Variants in ATP2B2 observed in about 807,000 individuals in gnomAD.
The protein encoded by ATP2B2 is plasma membrane calcium-transporting ATPase 2.
In ATP2B2, 15 loss-of-function variants were observed where a neutral mutation model predicts 120.0. The observed-to-expected ratio is 0.12, with a 90% confidence interval of 0.08 to 0.19. The LOEUF is 0.19. Ranked by LOEUF, ATP2B2 falls within the 10% of genes least tolerant of loss-of-function variation. ATP2B2 has a pLI of 1.00. For synonymous variants in ATP2B2, 694 were observed against 700.3 expected, an observed-to-expected ratio of 0.99 and a Z score of 0.14; for missense variants, 1,045 against 1,719.8, an observed-to-expected ratio of 0.61 and a Z score of 6.94.
chr3:10,573,811 T>C (rs766658472), intron 2 of ATP2B2, among the ~76,000 whole-genome samples: 3 of 152,208 alleles, frequency 2.0e-5, no homozygotes, highest in Admixed American at 6.5e-5. Context: ...GGAGACTCCC[T>C]GACTAAACTC....
intron 2 of ATP2B2, among the ~76,000 whole-genome samples, chr3:10,545,526 C>G (rs2067526411): frequency 7.4e-6 from 1 of 134,978 alleles, no homozygotes; most frequent in African/African-American, 3.0e-5. Flanking sequence ...AAGAATCCAT[C>G]TCAAAAAAAA....
At chr3:10,700,452 T>C (rs1300896866) in intron 1 of ATP2B2, among the ~76,000 whole-genome samples, 1 of 152,196 alleles carries the variant, frequency 6.6e-6, no homozygotes, top group African/African-American at 2.4e-5. Flanking sequence ...AAAGATGTTG[T>C]GGACTTGTCA....
chr3:10,576,838 G>A (rs1469936944), intron 2 of ATP2B2, among the ~76,000 whole-genome samples: 1 of 152,052 alleles, frequency 6.6e-6, no homozygotes, highest in Non-Finnish European at 1.5e-5. Context: ...GCCAAGGTGG[G>A]CGGATCACAA....
At chr3:10,504,205 T>G (rs1386045399) in intron 1 of ATP2B2, among the ~76,000 whole-genome samples, 3 of 151,664 alleles carry the variant, frequency 2.0e-5, no homozygotes, top group Non-Finnish European at 2.9e-5. Context: ...TGCAGCCCCT[T>G]CTTTGCCACT....
chr3:10,421,333 G>A (rs2062973188), intron 2 of ATP2B2, among the ~76,000 whole-genome samples: 1 of 152,118 alleles, frequency 6.6e-6, no homozygotes, highest in African/African-American at 2.4e-5. Context: ...TCTTCTGTAG[G>A]GGCTGCCAGC....
At chr3:10,348,877 T>C (rs2060500160) in intron 16 of ATP2B2, among the ~76,000 whole-genome samples, 1 of 152,174 alleles carries the variant, frequency 6.6e-6, no homozygotes, top group African/African-American at 2.4e-5. Context: ...AGTAAACAGT[T>C]ATGGAGAGAA....
chr3:10,550,560 C>T (rs924839131), intron 2 of ATP2B2, among the ~76,000 whole-genome samples: 2 of 152,094 alleles, frequency 1.3e-5, no homozygotes, highest in African/African-American at 2.4e-5. Context: ...CTGCATCAAA[C>T]ATTTCTCCCT....
intron 9 of ATP2B2, 124 bp downstream of exon 9, chr3:10,379,119 G>T: frequency 8.3e-7 from 1 of 1,199,118 alleles, no homozygotes; most frequent in South Asian, 1.3e-5. Context: ...AAGGTCGTCA[G>T]ACACCTGTAG....
At chr3:10,613,168 AATG>A (rs1456476728) in intron 2 of ATP2B2, among the ~76,000 whole-genome samples, 2 of 152,174 alleles carry the variant, frequency 1.3e-5, no homozygotes, top group African/African-American at 4.8e-5. Context: ...TGGTGAACAC[AATG>A]ATGTTCCTGG....
chr3:10,610,076 T>TACACACACACACAC (rs34843797), intron 2 of ATP2B2, among the ~76,000 whole-genome samples: 1 of 146,610 alleles, frequency 6.8e-6, no homozygotes, highest in Non-Finnish European at 1.5e-5. Flanking sequence ...TATACACACA[T>TACACACACACACAC]ACACACACAC....
At chr3:10,693,358 T>C (rs889235568) in intron 1 of ATP2B2, among the ~76,000 whole-genome samples, 4 of 152,196 alleles carry the variant, frequency 2.6e-5, no homozygotes, top group African/African-American at 9.7e-5. Context: ...CAATCTACTC[T>C]TTTCCCTAGC....
chr3:10,386,287 G>T (rs2061676701), intron 7 of ATP2B2, among the ~76,000 whole-genome samples, 193 bp downstream of exon 7: 1 of 152,152 alleles, frequency 6.6e-6, no homozygotes, highest in Admixed American at 6.5e-5. Context: ...GGGCAAGAGG[G>T]TGGAGTGGGG....
intron 1 of ATP2B2, among the ~76,000 whole-genome samples, chr3:10,484,856 G>C (rs141738843): frequency 6.6e-6 from 1 of 152,348 alleles, no homozygotes; most frequent in African/African-American, 2.4e-5. Context: ...CTGCATCTGG[G>C]TACCAGCTCA....
At chr3:10,349,618 A>G (rs1257896050) in intron 16 of ATP2B2, among the ~76,000 whole-genome samples, 1 of 152,030 alleles carries the variant, frequency 6.6e-6, no homozygotes, top group Non-Finnish European at 1.5e-5. Context: ...GGTCCTGGTC[A>G]CAAACGTTGG....
chr3:10,556,421 T>C (rs567099033), intron 2 of ATP2B2, among the ~76,000 whole-genome samples: 24 of 152,272 alleles, frequency 1.6e-4, no homozygotes, highest in Non-Finnish European at 2.8e-4. Flanking sequence ...AACTAAACAT[T>C]AAATAAAAAT....
intron 1 of ATP2B2, among the ~76,000 whole-genome samples, chr3:10,480,905 G>A (rs2065384826): frequency 6.6e-6 from 1 of 152,226 alleles, no homozygotes; most frequent in Non-Finnish European, 1.5e-5. Context: ...TCCTCAGTGG[G>A]GTCTGCAAGG....
At chr3:10,643,550 C>A (rs2070233874) in intron 1 of ATP2B2, among the ~76,000 whole-genome samples, 1 of 152,176 alleles carries the variant, frequency 6.6e-6, no homozygotes, top group Non-Finnish European at 1.5e-5. Context: ...CATTGTGGGG[C>A]ACATGGCATC....
intron 2 of ATP2B2, among the ~76,000 whole-genome samples, chr3:10,428,588 C>T (rs1409448922): frequency 2.0e-5 from 3 of 152,212 alleles, no homozygotes; most frequent in African/African-American, 7.2e-5. Context: ...GCAACATCTC[C>T]GCAGCCACTT....
At chr3:10,396,789 A>C (rs1025348150) in intron 5 of ATP2B2, among the ~76,000 whole-genome samples, 1 of 152,000 alleles carries the variant, frequency 6.6e-6, no homozygotes, top group African/African-American at 2.4e-5. Context: ...AGAGGGCGAA[A>C]TGGACATTTC....
Sources: allele counts gnomAD v4.1 joint callset (sites outside exome capture counted in the v4.1 genomes callset), GRCh38; gene constraint gnomAD v4.1.1; transcripts MANE v1.5; gene names NCBI Gene and HGNC (gene_info 2026-07-23, HGNC 2026-07-21).